Variants in SYT2 observed in about 807,000 individuals in gnomAD.
The protein encoded by SYT2 is synaptotagmin-2.
Under a neutral mutation model 39.9 loss-of-function variants are expected in SYT2, and 15 were observed. That is an observed-to-expected ratio of 0.38 (90% CI 0.25 to 0.58). The LOEUF is 0.58. Among genes scored for constraint, SYT2 ranks in the 20% least tolerant of loss-of-function variants. SYT2 has a pLI of 0.70. For missense variants in SYT2, 389 were observed against 530.3 expected (o/e 0.73, Z 2.62); for synonymous variants, 181 against 204.5 (o/e 0.89, Z 0.98).
chr1:202,665,429 C>T (rs1238660100), intron 1 of SYT2, among the ~76,000 whole-genome samples: 2 of 152,202 alleles, frequency 1.3e-5, no homozygotes, highest in Non-Finnish European at 2.9e-5. Context: ...CCTCAAGGCC[C>T]TTGTCACAGA....
Position 202,596,725 on chromosome 1 carries a change from C to T in SYT2, c.*32G>A, listed in dbSNP as rs769672009. ...GATAGCTCTGGATCTTGTCAGTGTC[C>T]GTGAAAGGTGTGGGGTCCCAGCCGC... On this transcript the variant is annotated 3_prime_UTR_variant, in exon 9 of 9. Coordinates refer to ENST00000367268, the MANE Select transcript of SYT2 (RefSeq NM_177402.5). 27 of 1,594,204 alleles carry T rather than the reference C, an allele frequency of 1.7e-5. No individual in the cohort carries two copies. Among genetic ancestry groups the T allele is most frequent in the Middle Eastern group, 1.7e-4 (1 of 6,014 alleles).
At chr1:202,627,352 G>C in intron 1 of SYT2, 1 of 627,554 alleles carries the variant, frequency 1.6e-6, no homozygotes, top group Non-Finnish European at 2.0e-6. Context: ...AGGAAATGGA[G>C]GAGGTGGGGG....
chr1:202,627,648 C>T (rs1453497596), intron 1 of SYT2: 12 of 985,138 alleles, frequency 1.2e-5, no homozygotes, highest in Non-Finnish European at 1.2e-6. Context: ...AAGACCACTT[C>T]CCTGGTTAAT....
chr1:202,681,675 G>A (rs555252891), intron 1 of SYT2, among the ~76,000 whole-genome samples: 19 of 152,300 alleles, frequency 1.2e-4, no homozygotes, highest in African/African-American at 3.8e-4. Context: ...TAAGGGGACG[G>A]CAGGTCCTCA....
Position 202,596,638 on chromosome 1 carries a change from A to G in SYT2, c.*119T>C. 1 of 1,000,594 alleles carries G rather than the reference A, an allele frequency of 1.0e-6. No homozygotes were observed. Among genetic ancestry groups the G allele is most frequent in the Non-Finnish European group, 1.4e-6 (1 of 692,066 alleles). 62.0% of individuals were successfully genotyped at this position (1,000,594 alleles called of 1,614,324 possible). A position where few individuals can be genotyped will look rare whatever the true frequency, so the allele number is the denominator to read the frequency against. On this transcript the variant is annotated 3_prime_UTR_variant, in exon 9 of 9. Transcript: ENST00000367268. ...AAGAGAAAAACAAGGAAAAACAAGG[A>G]CACAACCACCCAACAAATGAAAGAA... is the stretch of plus-strand genomic sequence containing the variant.
chr1:202,692,134 C>T (rs540433717), intron 1 of SYT2, among the ~76,000 whole-genome samples: 16 of 151,720 alleles, frequency 1.1e-4, no homozygotes, highest in African/African-American at 2.9e-4. Context: ...GGTGTCACTG[C>T]GACAGAGGGA....
rs888902817 is a variant in SYT2 at position 202,614,459 on chromosome 1, C to G, written c.-17-8670G>C. 2.6e-5 allele frequency among the ~76,000 whole-genome samples: 4 copies of G among 152,178 alleles called. No homozygotes were observed. The highest frequency in any genetic ancestry group is 5.9e-5 in the Non-Finnish European group (4 of 68,038). On this transcript the variant is annotated intron_variant, in intron 1 of 8. Coordinates refer to ENST00000367268, the MANE Select transcript of SYT2 (RefSeq NM_177402.5). The surrounding 1 kb of genome is among the most constrained non-coding windows in gnomAD (Gnocchi z 4.0). ...GAGTAGAGAGAACAGATGTGAGAGACACATTCATTCATTCACTCACTCACT... is the reference window on the plus strand; with the variant it reads ...GAGTAGAGAGAACAGATGTGAGAGAGACATTCATTCATTCACTCACTCACT...
chr1:202,649,554 A>T (rs1167425542), intron 1 of SYT2, among the ~76,000 whole-genome samples: 2 of 152,210 alleles, frequency 1.3e-5, no homozygotes, highest in Non-Finnish European at 1.5e-5. Context: ...AGGTAAAATA[A>T]CTTGTCCAAG....
chr1:202,603,124 G>A lies in SYT2; in HGVS notation c.346-6C>T, dbSNP rs1320804646. The A allele has an allele frequency of 6.2e-7, 1 of 1,613,942 alleles. No homozygotes were observed. The highest frequency in any genetic ancestry group is 8.5e-7 in the Non-Finnish European group (1 of 1,179,970). ...GTCTCTGCGTCGTCGTCATCCTGTG[G>A]GAGCTGGGGGAGAGAGGGAACAAGT... is the stretch of plus-strand genomic sequence containing the variant. On this transcript the variant is annotated splice_polypyrimidine_tract_variant and splice_region_variant and intron_variant, in intron 3 of 8. Coordinates refer to ENST00000367268, the MANE Select transcript of SYT2 (RefSeq NM_177402.5).
At chr1:202,683,775 T>G (rs968184695) in intron 1 of SYT2, among the ~76,000 whole-genome samples, 1 of 151,372 alleles carries the variant, frequency 6.6e-6, no homozygotes, top group African/African-American at 2.4e-5. Flanking sequence ...TACTATATTA[T>G]TCCAGTTCAA....
chr1:202,677,792 T>A (rs1397280637), intron 1 of SYT2, among the ~76,000 whole-genome samples: 1 of 152,180 alleles, frequency 6.6e-6, no homozygotes, highest in African/African-American at 2.4e-5. Flanking sequence ...AGCAAAATCA[T>A]CATGGGTGCT....
At chr1:202,699,585 A>T (rs180988858) in intron 1 of SYT2, among the ~76,000 whole-genome samples, 1 of 152,358 alleles carries the variant, frequency 6.6e-6, no homozygotes, top group East Asian at 1.9e-4. Flanking sequence ...GTAATAGATC[A>T]TGTACTCTAA....
chr1:202,605,689 G>A lies in SYT2; in HGVS notation c.84C>T (p.Asp28=), dbSNP rs1251117139. The A allele has an allele frequency of 6.2e-7, 1 of 1,614,024 alleles. No homozygotes were observed. The highest frequency in any genetic ancestry group is 2.2e-5 in the East Asian group (1 of 44,876). ...CAGCACCCCCACTCTCAGTGGAGTTGTCCACGGGTCCAATGGGCATCGTGG... is the reference window on the plus strand; with the variant it reads ...CAGCACCCCCACTCTCAGTGGAGTTATCCACGGGTCCAATGGGCATCGTGG... The part of the protein sequence containing the change: ...TTATMPIGPV[D]NSTESGGAGE... The change falls in exon 2 of 9, where the codon GAC becomes GAT. Residue 28 remains aspartate, a synonymous_variant. Coordinates refer to ENST00000367268, the MANE Select transcript of SYT2 (RefSeq NM_177402.5).
At position 202,614,993 on chromosome 1, in the gene SYT2, G is replaced by A. The variant is rs528833786; in HGVS notation, c.-17-9204C>T. Among the ~76,000 whole-genome samples, 12 of 152,300 alleles carry A rather than the reference G, an allele frequency of 7.9e-5. No homozygotes were observed. Among genetic ancestry groups the A allele is most frequent in the African/African-American group, 2.2e-4 (9 of 41,552 alleles). On this transcript the variant is annotated intron_variant, in intron 1 of 8. Transcript: ENST00000367268. This position sits in a 1 kb window ranked among gnomAD's most constrained non-coding sequence, Gnocchi z 4.0. The stretch of plus-strand genomic sequence containing the variant: ...TACAAATGTATATTTTAAAAGTTTC[G>A]CTTTGGCTGTCGTGAGTAAAAAGAC...
chr1:202,709,997 C>T (rs981203023), intron 1 of SYT2, among the ~76,000 whole-genome samples: 1 of 151,934 alleles, frequency 6.6e-6, no homozygotes, highest in Non-Finnish European at 1.5e-5. Context: ...AGGAAATCTG[C>T]CCCCAGCCCA....
In SYT2 at chr1:202,651,261, G is replaced by A. The variant is rs374707999; in HGVS notation, c.-17-45472C>T. Among the ~76,000 whole-genome samples, 25 of 152,214 alleles carry A rather than the reference G, an allele frequency of 1.6e-4. No homozygotes were observed. The South Asian group carries it at 5.2e-3, about 32-fold the overall frequency. On this transcript the variant is annotated intron_variant, in intron 1 of 8. Transcript: ENST00000367268. ...CACACTGGGTAGCTAATTGGGGGTC[G>A]GGGTGAGGAAAAGAGAGGAGTCCAG... is the stretch of plus-strand genomic sequence containing the variant.
At chr1:202,689,473 G>C (rs576864562) in intron 1 of SYT2, among the ~76,000 whole-genome samples, 2 of 152,274 alleles carry the variant, frequency 1.3e-5, no homozygotes, top group African/African-American at 2.4e-5. Flanking sequence ...AGCATGGAGT[G>C]GGGAGAAGAG....
intron 1 of SYT2, among the ~76,000 whole-genome samples, chr1:202,674,789 C>T (rs1320951370): frequency 6.6e-6 from 1 of 152,140 alleles, no homozygotes; most frequent in Admixed American, 6.5e-5. Flanking sequence ...CTCTCACCTT[C>T]ACACACTGCT....
chr1:202,612,615 C>T (rs1690915615), intron 1 of SYT2, among the ~76,000 whole-genome samples: 1 of 152,198 alleles, frequency 6.6e-6, no homozygotes, highest in Non-Finnish European at 1.5e-5. Context: ...AATCCACCTG[C>T]CTTGGCTTCC....
Sources: allele counts gnomAD v4.1 joint callset (sites outside exome capture counted in the v4.1 genomes callset), GRCh38; gene constraint gnomAD v4.1.1; non-coding constraint Gnocchi (gnomAD v3.1); transcripts MANE v1.5; gene names NCBI Gene and HGNC (gene_info 2026-07-23, HGNC 2026-07-21).